Variants in GLI2 observed in about 807,000 individuals in gnomAD.
GLI2 encodes transcription activator GLI2.
Under a neutral mutation model 78.9 loss-of-function variants are expected in GLI2, and 22 were observed. That is an observed-to-expected ratio of 0.28 (90% CI 0.20 to 0.40). The LOEUF (loss-of-function observed/expected upper bound fraction) is 0.40, where lower values mean the gene tolerates loss of function less well. Among genes scored for constraint, GLI2 ranks in the 10% least tolerant of loss-of-function variants. The pLI, the probability that GLI2 is intolerant of heterozygous loss-of-function variation, is 1.00. For missense variants in GLI2, 2,097 were observed against 2,213.2 expected (o/e 0.95, Z 1.05); for synonymous variants, 974 against 963.7 (o/e 1.01, Z -0.20).
chr2:120,852,377 G>T (rs900587484), intron 2 of GLI2, among the ~76,000 whole-genome samples: 8 of 152,190 alleles, frequency 5.3e-5, no homozygotes, highest in African/African-American at 1.9e-4. Context: ...GGCCACTGCA[G>T]GCCAAAGGAG....
At chr2:120,855,301 G>A (rs1458693644) in intron 2 of GLI2, among the ~76,000 whole-genome samples, 1 of 152,202 alleles carries the variant, frequency 6.6e-6, no homozygotes, top group Non-Finnish European at 1.5e-5. Flanking sequence ...CACCATGGTT[G>A]TTCTCGTGCT....
At chr2:120,860,080 A>C (rs1243422818) in intron 2 of GLI2, among the ~76,000 whole-genome samples, 2 of 152,220 alleles carry the variant, frequency 1.3e-5, no homozygotes, top group African/African-American at 4.8e-5. Flanking sequence ...GGTGGTGGTC[A>C]GGCAGGTGCA....
chr2:120,953,230 C>A (rs1331555362), intron 4 of GLI2, among the ~76,000 whole-genome samples: 1 of 152,220 alleles, frequency 6.6e-6, no homozygotes, highest in African/African-American at 2.4e-5. Flanking sequence ...AGAAGGCAGA[C>A]ACATTCATGC....
intron 1 of GLI2, among the ~76,000 whole-genome samples, chr2:120,751,057 G>A (rs1682858059): frequency 1.3e-5 from 2 of 152,296 alleles, no homozygotes; most frequent in South Asian, 4.1e-4. Context: ...GGTTGGAAAA[G>A]GTACACGTGG....
At chr2:120,917,314 C>G (rs1679149089) in intron 2 of GLI2, among the ~76,000 whole-genome samples, 2 of 152,264 alleles carry the variant, frequency 1.3e-5, no homozygotes, top group South Asian at 4.1e-4. Context: ...CTTTCTTTCT[C>G]TCTGTTGAGA....
intron 2 of GLI2, among the ~76,000 whole-genome samples, chr2:120,873,786 C>T (rs535994570): frequency 1.3e-5 from 2 of 152,336 alleles, no homozygotes; most frequent in African/African-American, 4.8e-5. Context: ...GTCCACAGAG[C>T]ATCTGAGCTC....
At chr2:120,758,534 C>A (rs1180808298) in intron 1 of GLI2, among the ~76,000 whole-genome samples, 2 of 152,234 alleles carry the variant, frequency 1.3e-5, no homozygotes, top group Admixed American at 6.5e-5. Flanking sequence ...TCAGCCTGCG[C>A]CCCTGGCCTG....
Position 120,989,980 on chromosome 2 carries a change from A to C in GLI2, c.4015A>C (p.Thr1339Pro), listed in dbSNP as rs1344435528. The change falls in exon 14 of 14, where the codon ACA becomes CCA. Residue 1339 changes from threonine (T) to proline (P), a missense_variant. Coordinates refer to ENST00000361492, the MANE Select transcript of GLI2 (RefSeq NM_001374353.1). The part of the protein sequence containing the change: ...ARQPGFMEPQ[T>P]GPMGVATAGF... ...CCAGCCTGGCTTCATGGAGCCCCAA[A>C]CAGGCCCGATGGGGGTGGCTACAGC... 6.2e-7 allele frequency: 1 copy of C among 1,610,538 alleles called. No individual in the cohort carries two copies. The highest frequency in any genetic ancestry group is 8.5e-7 in the Non-Finnish European group (1 of 1,178,796).
chr2:120,857,812 G>A (rs551869599), intron 2 of GLI2, among the ~76,000 whole-genome samples: 1 of 108,980 alleles, frequency 9.2e-6, no homozygotes, highest in East Asian at 3.1e-4. Context: ...CTTTTTGCAC[G>A]CACAGCCTGA....
At chr2:120,907,273 G>A (rs1450078170) in intron 2 of GLI2, among the ~76,000 whole-genome samples, 1 of 152,076 alleles carries the variant, frequency 6.6e-6, no homozygotes, top group Non-Finnish European at 1.5e-5. Flanking sequence ...GGGTGCCCTG[G>A]GTGGTCCTTG....
intron 1 of GLI2, among the ~76,000 whole-genome samples, chr2:120,787,243 TGG>T (rs1324459291): frequency 6.6e-6 from 1 of 151,950 alleles, no homozygotes; most frequent in Non-Finnish European, 1.5e-5. Flanking sequence ...TGCGGTGGAA[TGG>T]GGGTGGGGCA....
At chr2:120,927,545 A>G (rs1490421945) in intron 3 of GLI2, 79 bp downstream of exon 3, 3 of 889,694 alleles carry the variant, frequency 3.4e-6, no homozygotes, top group Non-Finnish European at 5.8e-6. Context: ...CCTCAGCCAC[A>G]TCTCCTGCCT....
intron 2 of GLI2, among the ~76,000 whole-genome samples, chr2:120,839,103 AC>A (rs746346969): frequency 6.5e-4 from 99 of 152,282 alleles, no homozygotes; most frequent in African/African-American, 2.2e-3. Context: ...TGAATTTTCA[AC>A]TAAATTAACC....
intron 5 of GLI2, among the ~76,000 whole-genome samples, chr2:120,962,344 G>C (rs149784303): frequency 6.6e-6 from 1 of 152,122 alleles, no homozygotes; most frequent in Admixed American, 6.5e-5. Context: ...CTGGTGCCTC[G>C]GAGTACTGTC....
At chr2:120,892,870 C>G (rs188034447) in intron 2 of GLI2, among the ~76,000 whole-genome samples, 41 of 152,352 alleles carry the variant, frequency 2.7e-4, no homozygotes, top group Admixed American at 2.2e-3. Flanking sequence ...CCTGTCATCT[C>G]CAAAATAAAC....
intron 3 of GLI2, among the ~76,000 whole-genome samples, chr2:120,930,270 G>A (rs1356504581): frequency 1.3e-5 from 2 of 152,182 alleles, no homozygotes; most frequent in Non-Finnish European, 1.5e-5. Context: ...TTGTGAACCG[G>A]CCCTGCTGTA....
chr2:120,787,542 G>A (rs553736821), intron 1 of GLI2, among the ~76,000 whole-genome samples: 3 of 152,296 alleles, frequency 2.0e-5, no homozygotes, highest in African/African-American at 7.2e-5. Context: ...GGGCCCCTGA[G>A]AGGCCTTCAC....
intron 2 of GLI2, among the ~76,000 whole-genome samples, chr2:120,859,766 T>C (rs1206004891): frequency 1.3e-5 from 2 of 151,810 alleles, no homozygotes; most frequent in Non-Finnish European, 2.9e-5. Context: ...TTTTTTTTTT[T>C]TTCTTTTGAG....
intron 2 of GLI2, among the ~76,000 whole-genome samples, chr2:120,835,131 A>G (rs1264775540): frequency 6.6e-6 from 1 of 152,192 alleles, no homozygotes; most frequent in Non-Finnish European, 1.5e-5. Flanking sequence ...AACAGTGAAG[A>G]CCAGGATTTG....
Sources: allele counts gnomAD v4.1 joint callset (sites outside exome capture counted in the v4.1 genomes callset), GRCh38; gene constraint gnomAD v4.1.1; transcripts MANE v1.5; gene names NCBI Gene and HGNC (gene_info 2026-07-23, HGNC 2026-07-21).